GALR1: variants seen among roughly 807,000 people sequenced by gnomAD.
The protein encoded by GALR1 is galanin receptor 1.
Under a neutral mutation model 17.9 loss-of-function variants are expected in GALR1, and 11 were observed. That is an observed-to-expected ratio of 0.62 (90% confidence interval 0.39 to 1.02). The LOEUF (loss-of-function observed/expected upper bound fraction) is 1.02, where lower values mean the gene tolerates loss of function less well. GALR1 is among the 50% of genes least tolerant of loss of function. The pLI is 0.01. For synonymous variants in GALR1, 206 were observed against 205.7 expected (o/e 1.00, Z -0.01); for missense variants, 441 against 456.9 (o/e 0.97, Z 0.32).
chr18:77,277,471 C>T lies in GALR1; in HGVS notation c.*8569C>T, dbSNP rs1451591147. On this transcript the variant is annotated 3_prime_UTR_variant, in exon 3 of 3. Coordinates refer to ENST00000299727, the MANE Select transcript of GALR1 (RefSeq NM_001480.4). ...TCCATGTAAGATGTGACTTGCTCCTCCTTGCTCTCTGCCATGATTGTGAGG... is the reference window on the plus strand; with the variant it reads ...TCCATGTAAGATGTGACTTGCTCCTTCTTGCTCTCTGCCATGATTGTGAGG... The T allele has an allele frequency of 6.6e-6, 1 of 152,250 alleles. No individual in the cohort carries two copies. Among genetic ancestry groups the T allele is most frequent in the Non-Finnish European group, 1.5e-5 (1 of 68,096 alleles). The allele number at this position is 152,250 out of a possible 1,614,324, so 9.4% of individuals were successfully genotyped here.
At chr18:77,260,305 A>G (rs1912802570) in intron 2 of GALR1, among the ~76,000 whole-genome samples, 1 of 152,180 alleles carries the variant, frequency 6.6e-6, no homozygotes, top group Non-Finnish European at 1.5e-5. Context: ...GCCCTCTTTC[A>G]TAAGGGGACT....
intron 1 of GALR1, among the ~76,000 whole-genome samples, chr18:77,252,932 C>CCACCATCACCACCAT (rs1912479420): frequency 9.8e-5 from 4 of 40,954 alleles, no homozygotes; most frequent in South Asian, 7.2e-4. Flanking sequence ...ATCACCACCA[C>CCACCATCACCACCAT]CACCACCACC....
At chr18:77,266,444 A>G (rs1912944815) in intron 2 of GALR1, among the ~76,000 whole-genome samples, 1 of 152,158 alleles carries the variant, frequency 6.6e-6, no homozygotes, top group Non-Finnish European at 1.5e-5. Context: ...GAGCCATCCA[A>G]ACTGTTCCAG....
At chr18:77,268,180 G>A (rs1439815403) in intron 2 of GALR1, among the ~76,000 whole-genome samples, 1 of 151,972 alleles carries the variant, frequency 6.6e-6, no homozygotes, top group Non-Finnish European at 1.5e-5. Flanking sequence ...AAAGTCCAGC[G>A]CTCCTCCGAG....
intron 2 of GALR1, among the ~76,000 whole-genome samples, chr18:77,257,717 T>C (rs2717166): frequency 0.72 from 110,139 of 152,144 alleles, 40,026 homozygotes; most frequent in African/African-American, 0.77. Flanking sequence ...ACCAAGCCGA[T>C]CCAGGGGATT....
chr18:77,268,715 C>T lies in GALR1; in HGVS notation c.863C>T (p.Ala288Val). The T allele has an allele frequency of 6.2e-7, 1 of 1,614,166 alleles. No homozygotes were observed. The highest frequency in any genetic ancestry group is 8.5e-7 in the Non-Finnish European group (1 of 1,180,028). Residue 288 changes from alanine to valine, a missense_variant, in exon 3 of 3, where the codon GCC (alanine) becomes GTC (valine). Ala to Val is a moderately conservative substitution (Grantham distance 64). Transcript: ENST00000299727. ...GCTTCCTTCCTCTTCAGAATCACCG[C>T]CCACTGCCTGGCGTACAGCAATTCC... ...TPASFLFRITAHCLAYSNSSV... is the reference protein window; with the variant it reads ...TPASFLFRITVHCLAYSNSSV...
rs190315013 is a variant in GALR1 at position 77,271,574 on chromosome 18, A to C, written c.*2672A>C. 1.9e-3 allele frequency: 293 copies of C among 152,292 alleles called. 2 individuals carry two copies. The highest frequency in any genetic ancestry group is 6.7e-3 in the African/African-American group (280 of 41,564). The allele number at this position is 152,292 out of a possible 1,614,324, so 9.4% of individuals were successfully genotyped here. On this transcript the variant is annotated 3_prime_UTR_variant, in exon 3 of 3. Coordinates refer to ENST00000299727, the MANE Select transcript of GALR1 (RefSeq NM_001480.4). ...AATATACAATGACCAATTCTGAAGC[A>C]CCTTCTTTTCCGTCACTAAATAAAG...
At chr18:77,253,852 A>G (rs55752578) in intron 1 of GALR1, 71,162 of 152,070 alleles carry the variant, frequency 0.47, 19,514 homozygotes, top group Non-Finnish European at 0.62. Flanking sequence ...AATTCTCACA[A>G]GTTTGTAAGG....
At position 77,269,181 on chromosome 18, in the gene GALR1, A is replaced by G. The variant is rs1913010881; in HGVS notation, c.*279A>G. ...TATTCCTCTTCAGACATGAAAGGGA[A>G]CATATATATTCCATATATATGTTCA... is the stretch of plus-strand genomic sequence containing the variant. On this transcript the variant is annotated 3_prime_UTR_variant, in exon 3 of 3. Transcript: ENST00000299727. 2 of 367,482 alleles carry G rather than the reference A, an allele frequency of 5.4e-6. No individual in the cohort carries two copies. Among genetic ancestry groups the G allele is most frequent in the Non-Finnish European group, 9.8e-6 (2 of 203,620 alleles). 22.8% of individuals were successfully genotyped at this position (367,482 alleles called of 1,614,324 possible).
chr18:77,260,549 T>C (rs112831963), intron 2 of GALR1, among the ~76,000 whole-genome samples: 1 of 152,208 alleles, frequency 6.6e-6, no homozygotes, highest in Non-Finnish European at 1.5e-5. Context: ...ATTTATGAAT[T>C]TTTTGGACGG....
rs1397507706 is a variant in GALR1, at chr18:77,271,633, A to G, written c.*2731A>G. ...CCAAGGACACACTTTTTCTCCCAGC[A>G]TCAGGTTGAGGGAGAAATATTGCTT... On this transcript the variant is annotated 3_prime_UTR_variant, in exon 3 of 3. Transcript: ENST00000299727. 1 of 152,174 alleles carries G rather than the reference A, an allele frequency of 6.6e-6. No homozygotes were observed. Among genetic ancestry groups the G allele is most frequent in the East Asian group, 1.9e-4 (1 of 5,192 alleles). 9.4% of individuals were successfully genotyped at this position (152,174 alleles called of 1,614,324 possible). A position where few individuals can be genotyped will look rare whatever the true frequency, so the allele number is the denominator to read the frequency against.
intron 2 of GALR1, among the ~76,000 whole-genome samples, chr18:77,258,851 GTGA>G (rs1568141572): frequency 3.1e-5 from 4 of 128,048 alleles, no homozygotes; most frequent in Admixed American, 7.4e-5. Flanking sequence ...GATGGTGGTG[GTGA>G]TGGTGGTGGT....
In GALR1 at chr18:77,250,578, G is replaced by A. The variant is rs780407897; in HGVS notation, c.30G>A (p.Glu10=). The change falls in exon 1 of 3, where the codon GAG becomes GAA. Residue 10 remains glutamate, a synonymous_variant. Transcript: ENST00000299727. The part of the protein sequence containing the change: MELAVGNLS[E]GNASWPEPPA... ...AGCTGGCGGTCGGGAACCTCAGCGA[G>A]GGCAACGCGAGCTGGCCGGAGCCCC... 95 of 1,540,998 alleles carry A rather than the reference G, an allele frequency of 6.2e-5. 1 individual carries two copies. In the Admixed American group the frequency reaches 1.3e-3, roughly 21 times the overall value.
intron 2 of GALR1, among the ~76,000 whole-genome samples, chr18:77,263,858 C>T (rs1784686975): frequency 6.6e-6 from 1 of 152,052 alleles, no homozygotes; most frequent in Non-Finnish European, 1.5e-5. Flanking sequence ...TCTTTTTGGC[C>T]AGGCACAGTG....
intron 1 of GALR1, chr18:77,254,084 G>A (rs2144951324): frequency 1.3e-5 from 2 of 152,244 alleles, no homozygotes; most frequent in Admixed American, 6.5e-5. Context: ...GGGCCCACTC[G>A]ACTAAGTTAC....
intron 2 of GALR1, among the ~76,000 whole-genome samples, chr18:77,262,946 A>G (rs1366638939): frequency 6.6e-6 from 1 of 152,258 alleles, no homozygotes; most frequent in Non-Finnish European, 1.5e-5. Context: ...CAAAGTTAAC[A>G]AACACTGCCA....
intron 2 of GALR1, among the ~76,000 whole-genome samples, chr18:77,267,687 T>C (rs1019973128): frequency 9.2e-5 from 14 of 152,240 alleles, no homozygotes; most frequent in African/African-American, 3.4e-4. Context: ...ATTGGATCAT[T>C]GCCTTTTCTT....
chr18:77,262,777 T>G (rs1386607239), intron 2 of GALR1, among the ~76,000 whole-genome samples: 1 of 152,232 alleles, frequency 6.6e-6, no homozygotes, highest in African/African-American at 2.4e-5. Flanking sequence ...AAATACCCAT[T>G]AAGCCTTCTT....
intron 2 of GALR1, among the ~76,000 whole-genome samples, chr18:77,260,373 G>C (rs1912804480): frequency 6.6e-6 from 1 of 151,856 alleles, no homozygotes; most frequent in Non-Finnish European, 1.5e-5. Context: ...TCTTTCAAAA[G>C]GGCACTAGTC....
Sources: gnomAD v4.1 joint callset for allele counts (sites outside exome capture counted in the v4.1 genomes callset) on GRCh38, gnomAD v4.1.1 for gene constraint, MANE v1.5 for transcripts, NCBI Gene and HGNC (gene_info 2026-07-23, HGNC 2026-07-21) for gene names.